Variants in WNK3 observed in about 807,000 individuals in gnomAD.
WNK3 encodes the protein WNK lysine deficient protein kinase 3, also known as serine/threonine-protein kinase WNK3.
In WNK3, 18 loss-of-function variants were observed where a neutral mutation model predicts 116.7. The observed-to-expected ratio is 0.15, with a 90% CI of 0.11 to 0.23. The LOEUF (loss-of-function observed/expected upper bound fraction) is 0.23, where lower values mean the gene tolerates loss of function less well. Ranked by LOEUF, WNK3 falls within the 10% of genes least tolerant of loss-of-function variation. The pLI is 1.00. For missense variants in WNK3, 993 were observed against 1,323.8 expected, an observed-to-expected ratio of 0.75 and a Z score of 3.88; for synonymous variants, 404 against 469.4, an observed-to-expected ratio of 0.86 and a Z score of 1.80.
chrX:54,231,016 T>C lies in WNK3; in HGVS notation c.4840+1793A>G, dbSNP rs369476961. On this transcript the variant is annotated intron_variant, in intron 21 of 23. Transcript: ENST00000354646. ...CAGGGACAGTCAAATTTTCTGTCCC[T>C]GGAATCTAACAAAGGTCAGTTAAAT... is the stretch of plus-strand genomic sequence containing the variant. 8.6e-4 allele frequency among the ~76,000 whole-genome samples: 97 copies of C among 112,615 alleles called. 2 individuals are homozygous for C. The South Asian group carries it at 0.034, about 39-fold the overall frequency.
At chrX:54,247,481 T>C (rs1022452242) in intron 17 of WNK3, among the ~76,000 whole-genome samples, 4 of 110,202 alleles carry the variant, frequency 3.6e-5, no homozygotes, top group East Asian at 5.6e-4. Flanking sequence ...TAAATAAGTA[T>C]ATGTATATAA....
At chrX:54,286,396 G>A (rs2068580848) in intron 10 of WNK3, among the ~76,000 whole-genome samples, 2 of 111,208 alleles carry the variant, frequency 1.8e-5, no homozygotes, top group Admixed American at 1.9e-4. Flanking sequence ...TGCCCTTGAT[G>A]AAGAGGAGAT....
At chrX:54,271,520 T>TGGTATAAAA (rs2147022354) in intron 10 of WNK3, among the ~76,000 whole-genome samples, 1 of 112,159 alleles carries the variant, frequency 8.9e-6, no homozygotes, top group Non-Finnish European at 1.9e-5. Context: ...AGAGAATATG[T>TGGTATAAAA]GGTATAAAAA....
chrX:54,276,876 C>T (rs1603388193), intron 10 of WNK3, among the ~76,000 whole-genome samples: 1 of 111,184 alleles, frequency 9.0e-6, no homozygotes, highest in African/African-American at 3.3e-5. Flanking sequence ...CTACCACGCC[C>T]GGCTAATTTT....
intron 22 of WNK3, among the ~76,000 whole-genome samples, chrX:54,223,093 CTACCT>C (rs2067790041): frequency 9.3e-6 from 1 of 107,754 alleles, no homozygotes; most frequent in South Asian, 4.1e-4. Context: ...GGCATAAATC[CTACCT>C]TACATTAAAT....
intron 2 of WNK3, among the ~76,000 whole-genome samples, chrX:54,324,852 G>C (rs1557172950): frequency 8.9e-6 from 1 of 112,533 alleles, no homozygotes; most frequent in Non-Finnish European, 1.9e-5. Flanking sequence ...AGAAATTCTA[G>C]CATCTTTTTA....
At chrX:54,240,290 C>T (rs1427256630) in intron 17 of WNK3, among the ~76,000 whole-genome samples, 1 of 106,375 alleles carries the variant, frequency 9.4e-6, no homozygotes, top group Non-Finnish European at 1.9e-5. Flanking sequence ...GCAACAAGAA[C>T]GAAACTCTTG....
At chrX:54,321,366 C>T (rs781926562) in intron 2 of WNK3, among the ~76,000 whole-genome samples, 2 of 111,575 alleles carry the variant, frequency 1.8e-5, no homozygotes, top group Admixed American at 1.9e-4. Context: ...CTGGCACAGG[C>T]AACACTGGAA....
chrX:54,258,622 C>T (rs2068222539), intron 11 of WNK3, among the ~76,000 whole-genome samples: 2 of 110,334 alleles, frequency 1.8e-5, no homozygotes, highest in African/African-American at 3.3e-5. Flanking sequence ...GTGTGAGCCA[C>T]TGCACCCGGC....
intron 15 of WNK3, 100 bp from the exon 16 acceptor site, chrX:54,250,231 T>C: frequency 1.2e-6 from 1 of 837,251 alleles, no homozygotes; most frequent in Non-Finnish European, 1.6e-6. Flanking sequence ...TTGTCTTATA[T>C]CTCCATTTCT....
At chrX:54,337,971 CAGG>C (rs1557175742) in intron 1 of WNK3, among the ~76,000 whole-genome samples, 2 of 109,924 alleles carry the variant, frequency 1.8e-5, no homozygotes, top group Non-Finnish European at 3.8e-5. Context: ...GAGGCTGAGG[CAGG>C]AGGATCCCTT....
At chrX:54,261,929 A>C (rs952955236) in intron 10 of WNK3, among the ~76,000 whole-genome samples, 2 of 112,133 alleles carry the variant, frequency 1.8e-5, no homozygotes, top group Non-Finnish European at 1.9e-5. Flanking sequence ...AGACATTTTT[A>C]AGGCTTGATA....
In WNK3 at chrX:54,307,684, A is replaced by AATAT. The variant is rs782257599; in HGVS notation, c.1089+234_1089+237dup. ...GATAACTAAAAATTCCTTACAAACA[A>AATAT]ATATATATAGATGATATACCTGTAC... is the stretch of plus-strand genomic sequence containing the variant. On this transcript the variant is annotated intron_variant, in intron 5 of 23. Transcript: ENST00000354646. Among the ~76,000 whole-genome samples, 26 of 111,509 alleles carry AATAT rather than the reference A, an allele frequency of 2.3e-4. 1 individual carries two copies. In the South Asian group the frequency reaches 6.4e-3, roughly 28 times the overall value.
intron 21 of WNK3, among the ~76,000 whole-genome samples, chrX:54,230,055 T>C (rs377725490): frequency 4.5e-5 from 5 of 111,579 alleles, no homozygotes; most frequent in African/African-American, 1.6e-4. Context: ...GCTCTGCCAA[T>C]GACACTGTTA....
intron 20 of WNK3, among the ~76,000 whole-genome samples, chrX:54,235,569 G>C (rs1201119830): frequency 2.7e-5 from 3 of 111,919 alleles, no homozygotes; most frequent in Non-Finnish European, 5.6e-5. Context: ...TTACAGGCAT[G>C]AGCCACTGTG....
chrX:54,205,543 CCA>C (rs2067545348), intron 22 of WNK3, among the ~76,000 whole-genome samples: 1 of 111,383 alleles, frequency 9.0e-6, no homozygotes, highest in East Asian at 2.8e-4. Context: ...CCACTGCACT[CCA>C]GCCTGGGCGA....
chrX:54,296,927 C>T (rs1212882282), intron 7 of WNK3, among the ~76,000 whole-genome samples: 1 of 110,614 alleles, frequency 9.0e-6, no homozygotes, highest in Non-Finnish European at 1.9e-5. Flanking sequence ...GTCAGAGTGG[C>T]CCACTCCCCA....
At chrX:54,357,314 C>T (rs1478238918) in intron 1 of WNK3, among the ~76,000 whole-genome samples, 1 of 109,600 alleles carries the variant, frequency 9.1e-6, no homozygotes, top group Non-Finnish European at 1.9e-5. Flanking sequence ...TCCATCAGCT[C>T]CCAAAGTTGT....
intron 10 of WNK3, among the ~76,000 whole-genome samples, chrX:54,281,667 A>C (rs1001078937): frequency 3.6e-5 from 4 of 111,599 alleles, no homozygotes; most frequent in Non-Finnish European, 5.6e-5. Context: ...TATAAGTAAG[A>C]TCATACAGTA....
Sources: gnomAD v4.1 joint callset for allele counts (sites outside exome capture counted in the v4.1 genomes callset) on GRCh38, gnomAD v4.1.1 for gene constraint, MANE v1.5 for transcripts, NCBI Gene and HGNC (gene_info 2026-07-23, HGNC 2026-07-21) for gene names.